Variants in RARB observed in about 807,000 individuals in gnomAD.
RARB encodes HBV-activated protein.
RARB carries 17 observed loss-of-function variants against 51.9 expected under a neutral mutation model. The ratio of observed to expected loss-of-function variants is 0.33; its 90% CI spans 0.22 to 0.49. The LOEUF is 0.49. Among genes scored for constraint, RARB ranks in the 20% least tolerant of loss-of-function variants. The pLI, the probability that RARB is intolerant of heterozygous loss-of-function variation, is 0.99. For synonymous variants in RARB, 215 were observed against 195.4 expected (o/e 1.10, Z -0.84); for missense variants, 369 against 550.8 (o/e 0.67, Z 3.30).
At chr3:25,587,920 G>A (rs563171853) in intron 5 of RARB, among the ~76,000 whole-genome samples, 26 of 152,232 alleles carry the variant, frequency 1.7e-4, no homozygotes, top group Non-Finnish European at 3.5e-4. Flanking sequence ...CTCCCTCTGA[G>A]GTTTACAAGA....
At chr3:24,937,838 T>A (rs1213586211) in intron 2 of RARB, among the ~76,000 whole-genome samples, 1 of 152,072 alleles carries the variant, frequency 6.6e-6, no homozygotes. Context: ...TAAAGAGATT[T>A]TAATCCCAAA....
At chr3:25,488,427 C>T (rs983944142) in intron 2 of RARB, among the ~76,000 whole-genome samples, 1 of 152,108 alleles carries the variant, frequency 6.6e-6, no homozygotes, top group East Asian at 1.9e-4. Context: ...ATAAACACTC[C>T]CTCCTAAGTT....
At chr3:25,021,848 G>A (rs553508047) in intron 2 of RARB, among the ~76,000 whole-genome samples, 1 of 152,152 alleles carries the variant, frequency 6.6e-6, no homozygotes, top group African/African-American at 2.4e-5. Context: ...TTAACACATA[G>A]GTCCTTTGCT....
chr3:25,225,937 A>G (rs2125387291), intron 5 of RARB, among the ~76,000 whole-genome samples: 1 of 152,326 alleles, frequency 6.6e-6, no homozygotes. Context: ...CATCTTCCAA[A>G]TAAGGATGCA....
At chr3:25,009,311 G>A (rs527606535) in intron 2 of RARB, among the ~76,000 whole-genome samples, 6 of 152,228 alleles carry the variant, frequency 3.9e-5, no homozygotes, top group African/African-American at 1.4e-4. Flanking sequence ...AGTTAATGAA[G>A]CAGTTTTCTC....
intron 5 of RARB, among the ~76,000 whole-genome samples, chr3:25,376,836 C>T (rs920131301): frequency 6.6e-6 from 1 of 152,160 alleles, no homozygotes; most frequent in African/African-American, 2.4e-5. Context: ...ACTTCCTTTG[C>T]AAGGAAATGA....
At chr3:25,219,163 T>C (rs959738414) in intron 5 of RARB, among the ~76,000 whole-genome samples, 1 of 152,152 alleles carries the variant, frequency 6.6e-6, no homozygotes, top group Non-Finnish European at 1.5e-5. Flanking sequence ...GAAAACATTT[T>C]ATATATAAAA....
chr3:25,579,644 C>G (rs73151333), intron 4 of RARB, among the ~76,000 whole-genome samples: 12,858 of 152,240 alleles, frequency 0.084, 870 homozygotes, highest in African/African-American at 0.18. Context: ...GAGTTGCTTT[C>G]AATCTATAGA....
At chr3:25,394,484 C>G (rs1207574057) in intron 5 of RARB, among the ~76,000 whole-genome samples, 1 of 152,136 alleles carries the variant, frequency 6.6e-6, no homozygotes, top group Non-Finnish European at 1.5e-5. Flanking sequence ...CTATCTAGCA[C>G]TGTGAGTGGA....
chr3:25,282,593 G>T (rs974850899), intron 5 of RARB, among the ~76,000 whole-genome samples: 14 of 152,260 alleles, frequency 9.2e-5, no homozygotes, highest in African/African-American at 3.4e-4. Context: ...TCCTAAATTA[G>T]TCCCTGGAAT....
chr3:25,541,562 C>CA (rs1699381404), intron 3 of RARB, among the ~76,000 whole-genome samples: 1 of 152,124 alleles, frequency 6.6e-6, no homozygotes, highest in Non-Finnish European at 1.5e-5. Flanking sequence ...CAGAAAAGAC[C>CA]AGTTCAAACT....
chr3:25,158,474 G>A (rs561476327), intron 4 of RARB, among the ~76,000 whole-genome samples: 13 of 152,270 alleles, frequency 8.5e-5, no homozygotes, highest in African/African-American at 2.9e-4. Context: ...TTATCAGATT[G>A]TCATTTGAAT....
intron 3 of RARB, among the ~76,000 whole-genome samples, chr3:25,085,626 C>G (rs1405267557): frequency 6.6e-6 from 1 of 152,098 alleles, no homozygotes; most frequent in African/African-American, 2.4e-5. Flanking sequence ...AAACTGAAGA[C>G]AAATATTGCA....
chr3:25,228,011 G>C (rs1241972440), intron 5 of RARB, among the ~76,000 whole-genome samples: 3 of 152,026 alleles, frequency 2.0e-5, no homozygotes, highest in Non-Finnish European at 4.4e-5. Flanking sequence ...TTTGAGGCCA[G>C]CCTGAGTTTT....
At chr3:25,482,968 A>T (rs1003189863) in intron 2 of RARB, among the ~76,000 whole-genome samples, 1 of 152,362 alleles carries the variant, frequency 6.6e-6, no homozygotes, top group South Asian at 2.1e-4. Context: ...TAGTAATTTC[A>T]TAGTTAGTCT....
chr3:24,875,786 T>A (rs1703032111), intron 2 of RARB, among the ~76,000 whole-genome samples: 1 of 152,108 alleles, frequency 6.6e-6, no homozygotes, highest in South Asian at 2.1e-4. Context: ...ATTCAAATTT[T>A]ACCAGTTTTT....
chr3:25,436,676 T>A (rs1262166984), intron 1 of RARB, among the ~76,000 whole-genome samples: 1 of 152,196 alleles, frequency 6.6e-6, no homozygotes, highest in Non-Finnish European at 1.5e-5. Flanking sequence ...CATGTTGGGC[T>A]TATAGTTCAG....
intron 5 of RARB, among the ~76,000 whole-genome samples, chr3:25,378,197 C>G (rs866209941): frequency 1.3e-5 from 2 of 152,062 alleles, no homozygotes; most frequent in Admixed American, 6.6e-5. Flanking sequence ...CATGCATGCA[C>G]GAGGGTATTT....
intron 5 of RARB, among the ~76,000 whole-genome samples, chr3:25,369,031 A>G (rs949710464): frequency 6.6e-6 from 1 of 152,186 alleles, no homozygotes; most frequent in Non-Finnish European, 1.5e-5. Context: ...GAAATCCCCA[A>G]TTATATAATT....
Sources: allele counts gnomAD v4.1 joint callset (sites outside exome capture counted in the v4.1 genomes callset), GRCh38; gene constraint gnomAD v4.1.1; transcripts MANE v1.5; gene names NCBI Gene and HGNC (gene_info 2026-07-23, HGNC 2026-07-21).